Variants in KLRG1 observed in about 807,000 individuals in gnomAD.
KLRG1 encodes killer cell lectin like receptor G1, also known as killer cell lectin-like receptor subfamily G member 1.
KLRG1 carries 16 observed loss-of-function variants against 21.8 expected under a neutral mutation model. That is an observed-to-expected ratio of 0.73 (90% CI 0.50 to 1.11). The LOEUF is 1.11. KLRG1 is among the 50% of genes most tolerant of loss of function. The pLI is 0.00. For missense variants in KLRG1, 173 were observed against 218.3 expected (o/e 0.79, Z 1.31); for synonymous variants, 69 against 75.9 (o/e 0.91, Z 0.47).
At chr12:9,112,723 G>T in the KLRG1 span, 101,760 of 597,246 alleles carry the variant, frequency 0.17, 10,845 homozygotes, top group African/African-American at 0.4. Flanking sequence ...CAGGACACAA[G>T]GTGGAGGAAA....
intron 1 of KLRG1, among the ~76,000 whole-genome samples, chr12:8,991,112 C>T (rs947972954): frequency 2.0e-5 from 3 of 151,966 alleles, no homozygotes; most frequent in Admixed American, 6.6e-5. Context: ...GTTTAATTTC[C>T]TAATTAAATG....
the KLRG1 span, among the ~76,000 whole-genome samples, chr12:9,102,497 T>C: frequency 6.6e-6 from 1 of 152,286 alleles, no homozygotes; most frequent in African/African-American, 2.4e-5. Context: ...ATTACAGGCG[T>C]GAGCTACCGT....
At chr12:9,165,386 G>T in the KLRG1 span, 314 of 1,613,260 alleles carry the variant, frequency 1.9e-4, 2 homozygotes, top group Middle Eastern at 8.3e-4. Context: ...GAGGGCAAGT[G>T]AAGAACAGAA....
chr12:8,974,469 C>T (rs1319381057), intron 1 of KLRG1, among the ~76,000 whole-genome samples: 4 of 151,892 alleles, frequency 2.6e-5, no homozygotes, highest in South Asian at 4.2e-4. Flanking sequence ...GCCCGGCTGT[C>T]TCAGTTTTTT....
the KLRG1 span, among the ~76,000 whole-genome samples, chr12:9,166,382 C>CT: frequency 6.6e-6 from 1 of 152,126 alleles, no homozygotes; most frequent in African/African-American, 2.4e-5. Context: ...AGAGAGGAGT[C>CT]TTTGTCAAAG....
At chr12:9,120,351 C>T in the KLRG1 span, among the ~76,000 whole-genome samples, 12 of 149,096 alleles carry the variant, frequency 8.0e-5, no homozygotes, top group African/African-American at 2.0e-4. Flanking sequence ...AGGGGTAGAG[C>T]GAAAAAAAGG....
At chr12:9,114,029 A>G in the KLRG1 span, among the ~76,000 whole-genome samples, 1 of 152,294 alleles carries the variant, frequency 6.6e-6, no homozygotes, top group Non-Finnish European at 1.5e-5. Context: ...ACTCGCTTCC[A>G]CTCCACAGAT....
the KLRG1 span, among the ~76,000 whole-genome samples, chr12:9,181,462 T>A: frequency 6.6e-6 from 1 of 152,248 alleles, no homozygotes; most frequent in South Asian, 2.1e-4. Flanking sequence ...TTAGACAGGA[T>A]CCAAATTATC....
At chr12:9,074,637 C>A in the KLRG1 span, 24 of 1,613,876 alleles carry the variant, frequency 1.5e-5, no homozygotes, top group South Asian at 2.5e-4. Flanking sequence ...GAGGTCAGGT[C>A]CTCCGAGGTT....
chr12:9,136,875 G>GT, the KLRG1 span, among the ~76,000 whole-genome samples: 1 of 152,010 alleles, frequency 6.6e-6, no homozygotes, highest in African/African-American at 2.4e-5. Flanking sequence ...CATGTTATTA[G>GT]TTTTTTTGCT....
the KLRG1 span, among the ~76,000 whole-genome samples, chr12:9,048,894 C>T: frequency 6.6e-6 from 1 of 152,172 alleles, no homozygotes; most frequent in Non-Finnish European, 1.5e-5. Context: ...AGAAATGAAA[C>T]TGTTTTTGTT....
chr12:9,209,154 GT>G, the KLRG1 span, among the ~76,000 whole-genome samples: 2 of 152,060 alleles, frequency 1.3e-5, no homozygotes, highest in Non-Finnish European at 2.9e-5. Flanking sequence ...AGAACTTGTA[GT>G]ACAATGATGA....
chr12:9,198,012 T>C, the KLRG1 span, among the ~76,000 whole-genome samples: 2 of 133,440 alleles, frequency 1.5e-5, no homozygotes, highest in East Asian at 4.0e-4. Flanking sequence ...AAAGAGAATG[T>C]GGTGGTACAG....
chr12:9,099,132 A>G, the KLRG1 span, among the ~76,000 whole-genome samples: 1 of 152,170 alleles, frequency 6.6e-6, no homozygotes, highest in Non-Finnish European at 1.5e-5. Flanking sequence ...ACGTTTCATC[A>G]TAGAAGAAGG....
chr12:9,118,954 C>T, the KLRG1 span, among the ~76,000 whole-genome samples: 1 of 152,298 alleles, frequency 6.6e-6, no homozygotes, highest in Non-Finnish European at 1.5e-5. Context: ...ACAGGGAATG[C>T]TCTTGTCTAG....
the KLRG1 span, among the ~76,000 whole-genome samples, chr12:9,020,062 TACAC>T: frequency 6.7e-6 from 1 of 150,258 alleles, no homozygotes; most frequent in East Asian, 2.0e-4. Context: ...TATATATATA[TACAC>T]ACACACACAC....
chr12:9,115,754 TG>T, the KLRG1 span: 1 of 1,605,774 alleles, frequency 6.2e-7, no homozygotes, highest in Non-Finnish European at 8.5e-7. Flanking sequence ...GCTCTCTGTG[TG>T]GAACTCACGG....
the KLRG1 span, chr12:9,151,509 G>C: frequency 9.8e-7 from 1 of 1,016,084 alleles, no homozygotes; most frequent in Non-Finnish European, 1.5e-6. Context: ...CATTACTAAT[G>C]ATTGTTTTCC....
chr12:9,080,114 C>A, the KLRG1 span: 1 of 1,588,304 alleles, frequency 6.3e-7, no homozygotes, highest in South Asian at 1.2e-5. Flanking sequence ...GACAGAAGCT[C>A]GGGCAGATTC....
Sources: allele counts gnomAD v4.1 joint callset (sites outside exome capture counted in the v4.1 genomes callset), GRCh38; gene constraint gnomAD v4.1.1; transcripts MANE v1.5; gene names NCBI Gene and HGNC (gene_info 2026-07-23, HGNC 2026-07-21).